WNT9A: variants seen among roughly 807,000 people sequenced by gnomAD.
The protein encoded by WNT9A is protein Wnt-9a.
WNT9A carries 8 observed loss-of-function variants against 31.4 expected under a neutral mutation model. That is an observed-to-expected ratio of 0.26 (90% CI 0.15 to 0.46). The LOEUF (loss-of-function observed/expected upper bound fraction) is 0.46, where lower values mean the gene tolerates loss of function less well. Among genes scored for constraint, WNT9A ranks in the 20% least tolerant of loss-of-function variants. The pLI, the probability that WNT9A is intolerant of heterozygous loss-of-function variation, is 0.99. For synonymous variants in WNT9A, 236 were observed against 220.1 expected (o/e 1.07, Z -0.64); for missense variants, 457 against 522.9 (o/e 0.87, Z 1.23).
intron 1 of WNT9A, among the ~76,000 whole-genome samples, chr1:227,940,533 T>G (rs984262036): frequency 3.3e-5 from 5 of 151,928 alleles, no homozygotes; most frequent in African/African-American, 1.2e-4. Context: ...CTGGCTCCCC[T>G]CCCCACCCCA....
intron 1 of WNT9A, among the ~76,000 whole-genome samples, chr1:227,932,834 T>C (rs994689971): frequency 2.0e-5 from 3 of 152,202 alleles, no homozygotes; most frequent in Non-Finnish European, 4.4e-5. Flanking sequence ...GTCTCCACAG[T>C]GGGCATAAAA....
intron 1 of WNT9A, among the ~76,000 whole-genome samples, chr1:227,946,302 G>A (rs1328019499): frequency 3.3e-5 from 5 of 152,220 alleles, no homozygotes; most frequent in African/African-American, 1.2e-4. Flanking sequence ...CCGTCTCCAG[G>A]AATCGGATCA....
At position 227,928,976 on chromosome 1, in the gene WNT9A, A is replaced by G. The variant is rs1168674149; in HGVS notation, c.96-3457T>C. Among the ~76,000 whole-genome samples, 1 of 152,200 alleles carries G rather than the reference A, an allele frequency of 6.6e-6. No homozygotes were observed. The highest frequency in any genetic ancestry group is 1.9e-4 in the East Asian group (1 of 5,200). On this transcript the variant is annotated intron_variant, in intron 1 of 3. Transcript: ENST00000272164. This position sits in a 1 kb window ranked among gnomAD's most constrained non-coding sequence, Gnocchi z 4.5. ...CATCTGGGGCAAATGCCTACAACTC[A>G]CACCCCAGACCAGGGGCCGGCGCTG...
rs371721101 is a variant in WNT9A at position 227,944,378 on chromosome 1, C to T, written c.95+3415G>A. Among the ~76,000 whole-genome samples, 21 of 152,282 alleles carry T rather than the reference C, an allele frequency of 1.4e-4. No homozygotes were observed. The East Asian group carries it at 3.3e-3, about 24-fold the overall frequency. ...GGGACTGGGGGAGGGGAACGGGCAG[C>T]GACTGCCTAATGCGTATGAGGTTTC... On this transcript the variant is annotated intron_variant, in intron 1 of 3. Transcript: ENST00000272164.
rs1370067675 is a variant in WNT9A at position 227,942,291 on chromosome 1, C to A, written c.95+5502G>T. 6.6e-6 allele frequency among the ~76,000 whole-genome samples: 1 copy of A among 152,148 alleles called. No individual in the cohort carries two copies. The highest frequency in any genetic ancestry group is 1.5e-5 in the Non-Finnish European group (1 of 68,012). ...ACACCCTCCACACCCTCCAGGGAGC[C>A]AGGACCCCCAAGCAGGTGGGGCAGG... On this transcript the variant is annotated intron_variant, in intron 1 of 3. Coordinates refer to ENST00000272164, the MANE Select transcript of WNT9A (RefSeq NM_003395.4). This position sits in a 1 kb window ranked among gnomAD's most constrained non-coding sequence, Gnocchi z 5.7.
intron 1 of WNT9A, among the ~76,000 whole-genome samples, chr1:227,932,289 T>C (rs752194010): frequency 2.0e-5 from 3 of 152,228 alleles, no homozygotes; most frequent in South Asian, 2.1e-4. Flanking sequence ...ACTTTCTTTG[T>C]TTATCCATAA....
chr1:227,943,554 C>G (rs1413815775), intron 1 of WNT9A, among the ~76,000 whole-genome samples: 2 of 152,216 alleles, frequency 1.3e-5, no homozygotes, highest in Admixed American at 6.5e-5. Context: ...TCCACACCCA[C>G]TAGGATGGCT....
chr1:227,947,029 C>A (rs893088049), intron 1 of WNT9A, among the ~76,000 whole-genome samples: 4 of 152,180 alleles, frequency 2.6e-5, no homozygotes, highest in African/African-American at 9.7e-5. Flanking sequence ...CAGCGAGGGT[C>A]CCTGTAAAGG....
chr1:227,930,732 T>C (rs1666496675), intron 1 of WNT9A, among the ~76,000 whole-genome samples: 1 of 152,058 alleles, frequency 6.6e-6, no homozygotes, highest in Admixed American at 6.5e-5. Context: ...TTAAAAATCA[T>C]AAATGAGGCC....
At chr1:227,931,961 T>C (rs1402515309) in intron 1 of WNT9A, among the ~76,000 whole-genome samples, 1 of 151,916 alleles carries the variant, frequency 6.6e-6, no homozygotes, top group Non-Finnish European at 1.5e-5. Flanking sequence ...GACCTCTTGA[T>C]CCGCCTGCCT....
chr1:227,938,452 GACACATGCATAC>G (rs912098009), intron 1 of WNT9A, among the ~76,000 whole-genome samples: 2 of 149,968 alleles, frequency 1.3e-5, no homozygotes, highest in Admixed American at 6.6e-5. Flanking sequence ...CATACACACA[GACACATGCATAC>G]ACACATCCAC....
Position 227,944,667 on chromosome 1 carries a change from G to T in WNT9A, c.95+3126C>A, listed in dbSNP as rs112371291. On this transcript the variant is annotated intron_variant, in intron 1 of 3. Transcript: ENST00000272164. ...GCTGGCTCTGGGGCCACAGCCGGGG[G>T]CACCTCAACAATCCCTCAGTGCCAG... Among the ~76,000 whole-genome samples, 803 of 152,270 alleles carry T rather than the reference G, an allele frequency of 5.3e-3. 6 individuals are homozygous for T. Among genetic ancestry groups the T allele is most frequent in the African/African-American group, 0.018 (753 of 41,558 alleles).
At chr1:227,934,054 T>C (rs986435922) in intron 1 of WNT9A, among the ~76,000 whole-genome samples, 3 of 152,296 alleles carry the variant, frequency 2.0e-5, no homozygotes, top group South Asian at 2.1e-4. Context: ...TCCTATTCCA[T>C]TGTGTGGATG....
intron 1 of WNT9A, among the ~76,000 whole-genome samples, chr1:227,937,502 G>A (rs948406070): frequency 2.0e-5 from 3 of 152,258 alleles, no homozygotes; most frequent in African/African-American, 7.2e-5. Context: ...CTGAGATAAG[G>A]ATCTCAAGGC....
rs1301299044 is a variant in WNT9A at position 227,924,213 on chromosome 1, C to T, written c.540G>A (p.Lys180=). ...DNLKYSSKFV[K]EFLGRRSSKD... ...TGCTTGACCGTCTGCCCAGGAATTC[C>T]TTGACGAACTTGCTGCTGTACTTAA... is the stretch of plus-strand genomic sequence containing the variant. The change falls in exon 3 of 4, where the codon AAG becomes AAA. Residue 180 remains lysine, a synonymous_variant. Transcript: ENST00000272164. 6.2e-7 allele frequency: 1 copy of T among 1,613,760 alleles called. No homozygotes were observed. Among genetic ancestry groups the T allele is most frequent in the Non-Finnish European group, 8.5e-7 (1 of 1,179,952 alleles).
At chr1:227,927,087 C>T (rs1042032854) in intron 1 of WNT9A, among the ~76,000 whole-genome samples, 2 of 152,118 alleles carry the variant, frequency 1.3e-5, no homozygotes, top group Non-Finnish European at 2.9e-5. Flanking sequence ...CCCTAAGCTG[C>T]GGTCTGCTTC....
rs150146173 is a variant in WNT9A, at chr1:227,936,686, C to T, written c.95+11107G>A. Among the ~76,000 whole-genome samples, 67 of 151,260 alleles carry T rather than the reference C, an allele frequency of 4.4e-4. 1 individual carries two copies. In the East Asian group the frequency reaches 0.011, roughly 24 times the overall value. On this transcript the variant is annotated intron_variant, in intron 1 of 3. Transcript: ENST00000272164. ...CTCTGTTCAAGCTGGAGGGCAGTGG[C>T]GCTATCTTGGCTCACTGCAGCCTCC...
rs148961829 is a variant in WNT9A, at chr1:227,938,399, TCACA to T, written c.95+9390_95+9393del. Among the ~76,000 whole-genome samples the T allele has an allele frequency of 5.6e-3, 728 of 129,594 alleles. 2 individuals carry two copies. The highest frequency in any genetic ancestry group is 0.021 in the African/African-American group (708 of 34,450). 85.0% of individuals were successfully genotyped at this position (129,594 alleles called of 152,430 possible). On this transcript the variant is annotated intron_variant, in intron 1 of 3. Transcript: ENST00000272164. The stretch of plus-strand genomic sequence containing the variant: ...AACAAACACACCCACACAAACCCCC[TCACA>T]CACACACACACAAACACACCCATAC...
chr1:227,947,335 GC>G (rs997030399), intron 1 of WNT9A, among the ~76,000 whole-genome samples: 2 of 152,198 alleles, frequency 1.3e-5, no homozygotes, highest in Admixed American at 1.3e-4. Context: ...GGGGCTCAGC[GC>G]GAGGAACATC....
Sources: gnomAD v4.1 joint callset for allele counts (sites outside exome capture counted in the v4.1 genomes callset) on GRCh38, gnomAD v4.1.1 for gene constraint, Gnocchi (gnomAD v3.1) non-coding constraint, MANE v1.5 for transcripts, NCBI Gene and HGNC (gene_info 2026-07-23, HGNC 2026-07-21) for gene names.